The following NEDD8 variants were observed in gnomAD, a reference collection of about 807,000 sequenced individuals.
NEDD8 encodes the protein NEDD8 ubiquitin like modifier.
NEDD8 carries 1 observed loss-of-function variant against 13.8 expected under a neutral mutation model. The observed-to-expected ratio is 0.07, with a 90% confidence interval of 0.03 to 0.34. The LOEUF (loss-of-function observed/expected upper bound fraction) is 0.34. NEDD8 is among the 10% of genes least tolerant of loss of function. The pLI, the probability that NEDD8 is intolerant of heterozygous loss-of-function variation, is 0.99. For missense variants in NEDD8, 10 were observed against 95.2 expected, an observed-to-expected ratio of 0.10 and a Z score of 3.73; for synonymous variants, 31 against 33.2, an observed-to-expected ratio of 0.93 and a Z score of 0.23.
At chr14:24,220,056 T>C (rs2039778685) in intron 1 of NEDD8, among the ~76,000 whole-genome samples, 1 of 152,214 alleles carries the variant, frequency 6.6e-6, no homozygotes, top group Non-Finnish European at 1.5e-5. Context: ...GGAGAATCTC[T>C]TGAACCCAGG....
intron 3 of NEDD8, 130 bp from the exon 4 acceptor site, chr14:24,217,353 G>C: frequency 1.4e-6 from 1 of 707,544 alleles, no homozygotes. Flanking sequence ...ACAGTGGCAC[G>C]ATCTCAGCTC....
At position 24,218,378 on chromosome 14, in the gene NEDD8, C is replaced by A. The variant is rs368540879; in HGVS notation, c.66+6G>T. ...AGTACATGAAGAGGAGTTGGGCATG[C>A]ATCACCTTGTCTGTAGGTTCAATGT... On this transcript the variant is annotated splice_donor_region_variant and intron_variant, in intron 2 of 3. Transcript: ENST00000250495. The A allele has an allele frequency of 2.5e-6, 4 of 1,614,104 alleles. No individual in the cohort carries two copies. Among genetic ancestry groups the A allele is most frequent in the Non-Finnish European group, 3.4e-6 (4 of 1,180,062 alleles).
rs1348815920 is a variant in NEDD8, at chr14:24,218,158, T to G, written c.124A>C (p.Arg42=). Residue 42 remains arginine (R), a synonymous_variant, in exon 3 of 4, where the codon AGG becomes CGG. Transcript: ENST00000250495. ...ATCTGCTTGCCACTGTAGATGAGCCTCTGCTGTTGTGGGGGGATTCCCTCT... is the reference window on the plus strand; with the variant it reads ...ATCTGCTTGCCACTGTAGATGAGCCGCTGCTGTTGTGGGGGGATTCCCTCT... ...EKEGIPPQQQ[R]LIYSGKQMND... is the part of the protein sequence containing the mutation. 3 of 1,614,040 alleles carry G rather than the reference T, an allele frequency of 1.9e-6. No homozygotes were observed. The highest frequency in any genetic ancestry group is 1.3e-5 in the African/African-American group (1 of 74,912).
intron 1 of NEDD8, chr14:24,228,672 T>C (rs758230239): frequency 2.3e-5 from 3 of 127,986 alleles, no homozygotes; most frequent in African/African-American, 6.2e-5. Context: ...TAAGCTGTGA[T>C]GGCACCACTG....
At chr14:24,230,848 C>A (rs1460370865) in intron 1 of NEDD8, among the ~76,000 whole-genome samples, 1 of 152,034 alleles carries the variant, frequency 6.6e-6, no homozygotes, top group Non-Finnish European at 1.5e-5. Context: ...GAACTCCTCA[C>A]CTTAGGTGAT....
intron 1 of NEDD8, among the ~76,000 whole-genome samples, chr14:24,224,901 G>A (rs1012450230): frequency 1.3e-5 from 2 of 152,208 alleles, no homozygotes; most frequent in Non-Finnish European, 2.9e-5. Context: ...TCTCATGCCT[G>A]TAATCCCAGC....
intron 1 of NEDD8, among the ~76,000 whole-genome samples, chr14:24,225,579 T>A (rs1210824197): frequency 2.0e-5 from 3 of 152,188 alleles, no homozygotes; most frequent in Non-Finnish European, 4.4e-5. Context: ...TATGAGATGA[T>A]AATTTTTGAA....
intron 1 of NEDD8, chr14:24,231,884 G>A (rs192051361): frequency 3.9e-6 from 1 of 255,220 alleles, no homozygotes; most frequent in African/African-American, 2.2e-5. Context: ...ATGAAGAATG[G>A]AGAGCAGCGC....
chr14:24,217,038 G>C lies in NEDD8; in HGVS notation c.*89C>G. The C allele has an allele frequency of 2.0e-6, 2 of 999,072 alleles. No homozygotes were observed. Among genetic ancestry groups the C allele is most frequent in the Non-Finnish European group, 3.0e-6 (2 of 659,886 alleles). The allele number at this position is 999,072 out of a possible 1,614,324, so 61.9% of individuals were successfully genotyped here. On this transcript the variant is annotated 3_prime_UTR_variant, in exon 4 of 4. Coordinates refer to ENST00000250495, the MANE Select transcript of NEDD8 (RefSeq NM_006156.3). The stretch of plus-strand genomic sequence containing the variant: ...ATACATTACTGGGCATCCAGGGGAG[G>C]GGGCAGTGGCTATGGTGTCCCAGAG...
rs2039710903 is a variant in NEDD8 at position 24,216,934 on chromosome 14, T to G, written c.*193A>C. 1.7e-6 allele frequency: 1 copy of G among 583,618 alleles called. No homozygotes were observed. Among genetic ancestry groups the G allele is most frequent in the Admixed American group, 3.4e-5 (1 of 29,668 alleles). The allele number at this position is 583,618 out of a possible 1,614,324, so 36.2% of individuals were successfully genotyped here. On this transcript the variant is annotated 3_prime_UTR_variant, in exon 4 of 4. Coordinates refer to ENST00000250495, the MANE Select transcript of NEDD8 (RefSeq NM_006156.3). ...GAGGGAAGCACACAGGACTGCAAAC[T>G]AACACCCAGTAGCCAGCAAGGGCCC... is the stretch of plus-strand genomic sequence containing the variant.
At chr14:24,227,684 G>C (rs1398135716) in intron 1 of NEDD8, 1 of 152,230 alleles carries the variant, frequency 6.6e-6, no homozygotes, top group East Asian at 1.9e-4. Flanking sequence ...AGAAGATGAT[G>C]CATTTAATTT....
At chr14:24,218,301 G>C (rs1371365364) in intron 2 of NEDD8, 83 bp downstream of exon 2, 1 of 1,613,884 alleles carries the variant, frequency 6.2e-7, no homozygotes, top group Non-Finnish European at 8.5e-7. Flanking sequence ...GACAGCATGA[G>C]AGCAAAAGGA....
chr14:24,231,507 CTCTG>C (rs1178435594), intron 1 of NEDD8: 1 of 137,670 alleles, frequency 7.3e-6, no homozygotes, highest in Non-Finnish European at 1.5e-5. Context: ...GGGGGGGGGT[CTCTG>C]TCTGTCTGAA....
chr14:24,223,408 C>A (rs2039839433), intron 1 of NEDD8, among the ~76,000 whole-genome samples: 2 of 151,844 alleles, frequency 1.3e-5, no homozygotes, highest in South Asian at 4.1e-4. Context: ...CCAAAAAAAA[C>A]CCAGAAAAAC....
chr14:24,217,830 A>T (rs1166482903), intron 3 of NEDD8: 2 of 272,646 alleles, frequency 7.3e-6, no homozygotes, highest in Non-Finnish European at 1.4e-5. Context: ...AATTATGGTC[A>T]TATTAGACCT....
intron 1 of NEDD8, among the ~76,000 whole-genome samples, chr14:24,230,194 T>TG (rs2039967855): frequency 8.9e-6 from 1 of 111,886 alleles, no homozygotes. Flanking sequence ...ATTTCAGGCC[T>TG]GGCAACAGAG....
At chr14:24,225,774 C>T (rs983101840) in intron 1 of NEDD8, among the ~76,000 whole-genome samples, 2 of 152,208 alleles carry the variant, frequency 1.3e-5, no homozygotes, top group African/African-American at 4.8e-5. Flanking sequence ...CGCGGTGGCT[C>T]ACGCCTGTAA....
chr14:24,218,995 C>A (rs1466307799), intron 1 of NEDD8, among the ~76,000 whole-genome samples: 3 of 152,114 alleles, frequency 2.0e-5, no homozygotes, highest in Non-Finnish European at 2.9e-5. Flanking sequence ...ATCCACCCGC[C>A]TCAGCCTCCC....
At chr14:24,218,476 A>G (rs749457691) in intron 1 of NEDD8, 45 bp from the exon 2 acceptor site, 85 of 1,613,990 alleles carry the variant, frequency 5.3e-5, no homozygotes, top group Middle Eastern at 1.6e-4. Flanking sequence ...CCCAATGTAC[A>G]ATTTGTCTTC....
Sources: gnomAD v4.1 joint callset for allele counts (sites outside exome capture counted in the v4.1 genomes callset) on GRCh38, gnomAD v4.1.1 for gene constraint, MANE v1.5 for transcripts, NCBI Gene and HGNC (gene_info 2026-07-23, HGNC 2026-07-21) for gene names.